NEGR1: variants seen among roughly 807,000 people sequenced by gnomAD.
NEGR1 encodes IgLON family member 4.
Under a neutral mutation model 40.9 loss-of-function variants are expected in NEGR1, and 10 were observed. The observed-to-expected ratio is 0.24, with a 90% CI of 0.15 to 0.42. NEGR1 has a LOEUF of 0.42. Ranked by LOEUF, NEGR1 falls within the 10% of genes least tolerant of loss-of-function variation. The pLI is 1.00. For synonymous variants in NEGR1, 185 were observed against 166.8 expected, an observed-to-expected ratio of 1.11 and a Z score of -0.84; for missense variants, 352 against 438.9, an observed-to-expected ratio of 0.80 and a Z score of 1.77.
chr1:71,851,814 T>G (rs1659612218), intron 2 of NEGR1, among the ~76,000 whole-genome samples: 1 of 152,188 alleles, frequency 6.6e-6, no homozygotes, highest in Non-Finnish European at 1.5e-5. Context: ...TAGCAGACTC[T>G]ATATTTAAAC....
At chr1:72,189,150 A>G (rs577472456) in intron 1 of NEGR1, among the ~76,000 whole-genome samples, 4 of 151,650 alleles carry the variant, frequency 2.6e-5, no homozygotes, top group Non-Finnish European at 5.9e-5. Context: ...CTTTTGGCAC[A>G]TAATAAAAAT....
intron 2 of NEGR1, among the ~76,000 whole-genome samples, chr1:71,844,879 C>T (rs1659354348): frequency 6.6e-6 from 1 of 152,132 alleles, no homozygotes; most frequent in African/African-American, 2.4e-5. Context: ...GGTGGACATC[C>T]TTGAACAGAC....
At chr1:71,749,030 GTTAAC>G (rs1655482864) in intron 3 of NEGR1, among the ~76,000 whole-genome samples, 1 of 152,238 alleles carries the variant, frequency 6.6e-6, no homozygotes, top group East Asian at 1.9e-4. Flanking sequence ...TTGAGAACTT[GTTAAC>G]TTAAAATAAG....
chr1:71,936,464 A>G (rs914368184), intron 1 of NEGR1, among the ~76,000 whole-genome samples: 69 of 152,198 alleles, frequency 4.5e-4, no homozygotes, highest in African/African-American at 1.5e-3. Context: ...AGGATGCATG[A>G]GAGATCAAAG....
At chr1:71,853,001 T>A (rs1270717391) in intron 2 of NEGR1, among the ~76,000 whole-genome samples, 2 of 152,050 alleles carry the variant, frequency 1.3e-5, no homozygotes, top group African/African-American at 4.8e-5. Flanking sequence ...ATTTGGACAT[T>A]TAAAGTTAAA....
At chr1:71,863,506 C>A (rs1417358786) in intron 2 of NEGR1, among the ~76,000 whole-genome samples, 3 of 152,090 alleles carry the variant, frequency 2.0e-5, no homozygotes, top group Admixed American at 2.0e-4. Flanking sequence ...GGCTTAATAC[C>A]TAGGTGATGG....
chr1:71,744,633 G>A (rs1457296910), intron 3 of NEGR1, among the ~76,000 whole-genome samples: 4 of 152,000 alleles, frequency 2.6e-5, no homozygotes, highest in Admixed American at 2.6e-4. Flanking sequence ...ACCTTGAGAA[G>A]GGTGAAATTC....
chr1:71,750,911 TG>T (rs1469427498), intron 3 of NEGR1, among the ~76,000 whole-genome samples: 1 of 152,124 alleles, frequency 6.6e-6, no homozygotes, highest in Non-Finnish European at 1.5e-5. Context: ...GACAATATAA[TG>T]GGAAAAAATG....
chr1:71,721,879 G>A (rs1258582555), intron 3 of NEGR1, among the ~76,000 whole-genome samples: 4 of 152,046 alleles, frequency 2.6e-5, no homozygotes, highest in Non-Finnish European at 5.9e-5. Context: ...TTAACATAGG[G>A]AAAAAGGAAT....
chr1:71,428,150 A>G (rs1187043667), intron 6 of NEGR1, among the ~76,000 whole-genome samples: 2 of 152,200 alleles, frequency 1.3e-5, no homozygotes, highest in African/African-American at 2.4e-5. Context: ...AAACAGCCCC[A>G]GTTTATGTGT....
At chr1:72,180,606 C>T (rs563612029) in intron 1 of NEGR1, among the ~76,000 whole-genome samples, 121 of 152,050 alleles carry the variant, frequency 8.0e-4, no homozygotes, top group Non-Finnish European at 1.4e-3. Context: ...AGAACTCATA[C>T]AATTCAATAG....
chr1:71,493,443 A>G (rs2101389166), intron 6 of NEGR1, among the ~76,000 whole-genome samples: 1 of 152,252 alleles, frequency 6.6e-6, no homozygotes, highest in African/African-American at 2.4e-5. Flanking sequence ...GTAAGTCTAC[A>G]TCTTTCTTGC....
intron 4 of NEGR1, among the ~76,000 whole-genome samples, chr1:71,684,343 C>T (rs570473017): frequency 1.3e-5 from 2 of 152,112 alleles, no homozygotes; most frequent in Admixed American, 6.5e-5. Context: ...TCTTTTCCTA[C>T]GTAATCTTGC....
chr1:71,656,409 T>TTTG (rs1022908339), intron 4 of NEGR1, among the ~76,000 whole-genome samples: 6 of 152,148 alleles, frequency 3.9e-5, no homozygotes, highest in South Asian at 2.1e-4. Context: ...GTTTTTGTTT[T>TTTG]TTGTTGTTGT....
At chr1:71,958,555 A>G (rs1274107999) in intron 1 of NEGR1, among the ~76,000 whole-genome samples, 2 of 152,184 alleles carry the variant, frequency 1.3e-5, no homozygotes, top group Admixed American at 6.5e-5. Context: ...TTTGATGAGT[A>G]AGGTACTTAC....
chr1:71,420,282 C>G (rs1646385969), intron 6 of NEGR1, among the ~76,000 whole-genome samples: 1 of 151,980 alleles, frequency 6.6e-6, no homozygotes, highest in Non-Finnish European at 1.5e-5. Context: ...TTAATATATA[C>G]ATTTAAACAT....
chr1:71,490,241 T>C (rs536817279), intron 6 of NEGR1, among the ~76,000 whole-genome samples: 63 of 152,096 alleles, frequency 4.1e-4, no homozygotes, highest in African/African-American at 1.2e-3. Flanking sequence ...GCAATAACAA[T>C]TATATATTTG....
At chr1:71,466,350 T>C (rs1029371796) in intron 6 of NEGR1, among the ~76,000 whole-genome samples, 6 of 152,126 alleles carry the variant, frequency 3.9e-5, no homozygotes, top group Admixed American at 2.6e-4. Flanking sequence ...ACTTTCTGTA[T>C]GTCCTCCTTG....
intron 1 of NEGR1, chr1:72,275,063 A>C: frequency 7.7e-7 from 1 of 1,296,546 alleles, no homozygotes. Flanking sequence ...ACTGAGCAGA[A>C]ATTTGTTAGC....
Sources: allele counts gnomAD v4.1 joint callset (sites outside exome capture counted in the v4.1 genomes callset), GRCh38; gene constraint gnomAD v4.1.1; transcripts MANE v1.5; gene names NCBI Gene and HGNC (gene_info 2026-07-23, HGNC 2026-07-21).